DNAH3: variants seen among roughly 807,000 people sequenced by gnomAD.
DNAH3 encodes the protein axonemal beta dynein heavy chain 3.
A neutral mutation model predicts 432.5 loss-of-function variants in DNAH3; 332 were observed. That is an observed-to-expected ratio of 0.77 (90% confidence interval 0.70 to 0.84). The LOEUF (loss-of-function observed/expected upper bound fraction) is 0.84. Ranked by LOEUF, DNAH3 falls within the 40% of genes least tolerant of loss-of-function variation. The pLI, the probability that DNAH3 is intolerant of heterozygous loss-of-function variation, is 0.00. For synonymous variants in DNAH3, 1,956 were observed against 1,900.2 expected (o/e 1.03, Z -0.76); for missense variants, 4,861 against 5,114.0 (o/e 0.95, Z 1.51).
In DNAH3 at chr16:20,965,365, A is replaced by T. The variant is rs769672875; in HGVS notation, c.8519T>A (p.Leu2840Ter). ...TTTGTCATATGTCTTAAGACTCTCC[A>T]AGAATTTCAGATCCCCAAGAATCTT... Residue 2840 changes from leucine to a stop codon, truncating the protein, a stop_gained, in exon 53 of 62, where the codon TTG becomes TAG. Coordinates refer to ENST00000261383, the Ensembl canonical transcript of DNAH3. LOFTEE classifies it high-confidence loss of function. 1.9e-6 allele frequency: 3 copies of T among 1,548,318 alleles called. No homozygotes were observed. Among genetic ancestry groups the T allele is most frequent in the Non-Finnish European group, 2.6e-6 (3 of 1,147,540 alleles).
At chr16:21,125,328 C>A in exon 9 of DNAH3, 1 of 1,612,542 alleles carries the variant, frequency 6.2e-7, no homozygotes, top group Non-Finnish European at 8.5e-7. Context: ...GAATCCAGTG[C>A]TCCTTCCGTG....
chr16:21,112,212 G>A (rs907010618), intron 12 of DNAH3, 114 bp from the exon 13 acceptor site: 23 of 712,088 alleles, frequency 3.2e-5, no homozygotes, highest in Non-Finnish European at 4.4e-5. Context: ...GCCCAAGCCA[G>A]GAAAGAGAAC....
intron 49 of DNAH3, 67 bp downstream of exon 49, chr16:20,982,654 A>C: frequency 1.4e-6 from 2 of 1,380,014 alleles, no homozygotes; most frequent in Non-Finnish European, 2.0e-6. Context: ...ACAACAACAA[A>C]AATAGAGCCA....
At chr16:20,987,363 A>G (rs2086247142) in exon 47 of DNAH3, 1 of 1,614,174 alleles carries the variant, frequency 6.2e-7, no homozygotes, top group East Asian at 2.2e-5. Flanking sequence ...GTTGAAAAAG[A>G]CCTGTCTGTC....
intron 51 of DNAH3, among the ~76,000 whole-genome samples, chr16:20,973,544 T>G (rs112098627): frequency 6.6e-6 from 1 of 152,158 alleles, no homozygotes; most frequent in African/African-American, 2.4e-5. Context: ...TGAGCCACCT[T>G]TCCCGGCCCT....
rs752559320 is a variant in DNAH3 at position 20,997,344 on chromosome 16, G to A, written c.6540C>T (p.Ile2180=). The A allele has an allele frequency of 3.7e-6, 6 of 1,614,146 alleles. No individual in the cohort carries two copies. In the South Asian group the frequency reaches 4.4e-5, roughly 12 times the overall value. Residue 2180 remains isoleucine (I), a synonymous_variant, in exon 44 of 62, where the codon ATC becomes ATT. Transcript: ENST00000261383. ...TGGCTGTCACGAGCAGCATGTCCAC[G>A]ATGTCCAGCCTGGTTGTGTCTTTTT...
intron 18 of DNAH3, among the ~76,000 whole-genome samples, chr16:21,093,098 A>AT (rs568054057): frequency 5.9e-5 from 9 of 152,194 alleles, no homozygotes; most frequent in Non-Finnish European, 1.2e-4. Flanking sequence ...CTACACACCT[A>AT]TTAAAATGGT....
At chr16:21,147,800 T>C (rs946747505) in intron 1 of DNAH3, among the ~76,000 whole-genome samples, 1 of 152,196 alleles carries the variant, frequency 6.6e-6, no homozygotes, top group Non-Finnish European at 1.5e-5. Flanking sequence ...GACTACATTA[T>C]TGAATGAAAT....
At position 20,974,579 on chromosome 16, in the gene DNAH3, GT is replaced by G. The variant is rs752437227; in HGVS notation, c.8259+653del. ...CCACTACACCTGGCTGTTTTATAGTGTTTTTTTTTTTTTTTTTTTTTTGTAG... is the reference window on the plus strand; with the variant it reads ...CCACTACACCTGGCTGTTTTATAGTGTTTTTTTTTTTTTTTTTTTTTGTAG... On this transcript the variant is annotated intron_variant, in intron 51 of 61. Coordinates refer to ENST00000261383, the Ensembl canonical transcript of DNAH3. Among the ~76,000 whole-genome samples, 32 of 81,842 alleles carry G rather than the reference GT, an allele frequency of 3.9e-4. 1 individual carries two copies. Among genetic ancestry groups the G allele is most frequent in the African/African-American group, 8.7e-4 (18 of 20,660 alleles). The allele number at this position is 81,842 out of a possible 152,430, so 53.7% of individuals were successfully genotyped here.
At chr16:21,052,716 T>C (rs2090001051) in intron 28 of DNAH3, among the ~76,000 whole-genome samples, 1 of 152,202 alleles carries the variant, frequency 6.6e-6, no homozygotes, top group East Asian at 1.9e-4. Flanking sequence ...ATTGTTATCA[T>C]CCCCAAATTC....
At chr16:21,142,705 G>A (rs915407686) in intron 3 of DNAH3, among the ~76,000 whole-genome samples, 2 of 147,806 alleles carry the variant, frequency 1.4e-5, no homozygotes, top group East Asian at 4.0e-4. Flanking sequence ...CTGTGCTGGA[G>A]TGCAGTGGCA....
At chr16:20,968,259 G>A (rs2085153012) in intron 52 of DNAH3, among the ~76,000 whole-genome samples, 2 of 151,982 alleles carry the variant, frequency 1.3e-5, no homozygotes, top group African/African-American at 2.4e-5. Context: ...TGTAGAGATG[G>A]GGTTTTGTCA....
chr16:20,978,612 C>T (rs2085708407), intron 50 of DNAH3, among the ~76,000 whole-genome samples: 1 of 152,202 alleles, frequency 6.6e-6, no homozygotes, highest in Admixed American at 6.6e-5. Flanking sequence ...TAGCTCACTG[C>T]AGCCTCAAAC....
intron 16 of DNAH3, among the ~76,000 whole-genome samples, chr16:21,102,074 G>A (rs760437163): frequency 5.3e-5 from 8 of 152,192 alleles, no homozygotes; most frequent in Non-Finnish European, 8.8e-5. Context: ...CCATCTCACA[G>A]GCTGTTCTCA....
chr16:21,077,035 A>G (rs1319282923), intron 20 of DNAH3, among the ~76,000 whole-genome samples: 1 of 152,184 alleles, frequency 6.6e-6, no homozygotes, highest in East Asian at 1.9e-4. Context: ...AAATGTCTCC[A>G]GATATTTCCA....
At chr16:20,941,742 G>A (rs549044313) in intron 58 of DNAH3, among the ~76,000 whole-genome samples, 199 bp from the exon 59 acceptor site, 3 of 152,242 alleles carry the variant, frequency 2.0e-5, no homozygotes, top group East Asian at 3.9e-4. Context: ...GGAGGGCATC[G>A]CCTCTTGGTC....
chr16:20,969,693 C>T, intron 52 of DNAH3, 99 bp downstream of exon 52: 1 of 1,329,652 alleles, frequency 7.5e-7, no homozygotes, highest in Non-Finnish European at 1.1e-6. Context: ...AGTGATCTTG[C>T]CTGCACGCCT....
chr16:21,038,843 G>C (rs1399849280), intron 33 of DNAH3, among the ~76,000 whole-genome samples: 1 of 152,204 alleles, frequency 6.6e-6, no homozygotes, highest in African/African-American at 2.4e-5. Flanking sequence ...TCATATGACT[G>C]AGGCAGCCTC....
chr16:21,144,193 T>G (rs1316429515), intron 3 of DNAH3, among the ~76,000 whole-genome samples: 2 of 152,136 alleles, frequency 1.3e-5, no homozygotes, highest in Non-Finnish European at 2.9e-5. Context: ...AACACCCCTT[T>G]GTGGTGTAAT....
Sources: gnomAD v4.1 joint callset for allele counts (sites outside exome capture counted in the v4.1 genomes callset) on GRCh38, gnomAD v4.1.1 for gene constraint, MANE v1.5 for transcripts, NCBI Gene and HGNC (gene_info 2026-07-23, HGNC 2026-07-21) for gene names.